The following WDR64 variants were observed in gnomAD, a reference collection of about 807,000 sequenced individuals.
The protein encoded by WDR64 is WD repeat-containing protein 64.
Under a neutral mutation model 139.3 loss-of-function variants are expected in WDR64, and 112 were observed. That is an observed-to-expected ratio of 0.80 (90% CI 0.69 to 0.94). The LOEUF (loss-of-function observed/expected upper bound fraction) is 0.94. Among genes scored for constraint, WDR64 ranks in the 40% least tolerant of loss-of-function variants. WDR64 has a pLI of 0.00. For missense variants in WDR64, 1,206 were observed against 1,293.1 expected, an observed-to-expected ratio of 0.93 and a Z score of 1.03; for synonymous variants, 444 against 437.7, an observed-to-expected ratio of 1.01 and a Z score of -0.18.
intron 8 of WDR64, among the ~76,000 whole-genome samples, chr1:241,705,435 G>C (rs879860528): frequency 2.0e-5 from 3 of 151,434 alleles, no homozygotes; most frequent in Non-Finnish European, 4.4e-5. Context: ...CCAGCTACTC[G>C]GGAGGCTGAG....
intron 25 of WDR64, among the ~76,000 whole-genome samples, chr1:241,792,303 G>T (rs1237351201): frequency 6.6e-6 from 1 of 152,142 alleles, no homozygotes; most frequent in South Asian, 2.1e-4. Flanking sequence ...GTGGGAGGCC[G>T]AGGTGGGCAG....
intron 2 of WDR64, among the ~76,000 whole-genome samples, chr1:241,666,614 T>C (rs1666034941): frequency 6.6e-6 from 1 of 152,196 alleles, no homozygotes; most frequent in African/African-American, 2.4e-5. Context: ...ACAAAAATGC[T>C]TAGTGCACAG....
chr1:241,653,964 A>T lies in WDR64; in HGVS notation c.145+1335A>T, dbSNP rs1164255606. ...CTCAACAAAACTTGCATTTTTTCCT[A>T]GTCAGTTTGTTTTACCTCTCTCTAA... On this transcript the variant is annotated intron_variant, in intron 1 of 27. Transcript: ENST00000437684. 3.3e-5 allele frequency among the ~76,000 whole-genome samples: 5 copies of T among 152,226 alleles called. No homozygotes were observed. The South Asian group carries it at 1.0e-3, about 32-fold the overall frequency.
chr1:241,713,623 T>A (rs539050928), intron 9 of WDR64, among the ~76,000 whole-genome samples: 1 of 152,306 alleles, frequency 6.6e-6, no homozygotes, highest in South Asian at 2.1e-4. Context: ...TGGTGCATAA[T>A]AGGTTCTCAA....
intron 10 of WDR64, among the ~76,000 whole-genome samples, chr1:241,728,061 C>T (rs942326999): frequency 6.7e-5 from 10 of 148,802 alleles, no homozygotes; most frequent in African/African-American, 2.2e-4. Context: ...GGCTGGGTGC[C>T]GCAGTTCATG....
chr1:241,783,314 A>G lies in WDR64; in HGVS notation c.2638A>G (p.Ile880Val), dbSNP rs1314601053. 1.2e-6 allele frequency: 2 copies of G among 1,614,008 alleles called. No homozygotes were observed. Among genetic ancestry groups the G allele is most frequent in the South Asian group, 1.1e-5 (1 of 91,022 alleles). Residue 880 changes from isoleucine to valine, a missense_variant, in exon 23 of 28, where the codon ATT (isoleucine) becomes GTT (valine). By Grantham distance (29) the Ile-to-Val change is conservative (BLOSUM62 3). Coordinates refer to ENST00000437684, the MANE Select transcript of WDR64 (RefSeq NM_001367482.1). ...TTCCTGGCGTGCTCATTCTTTGGAA[A>G]TTATTCAAGTAATCTATGTAGAAGA... ...LLSWRAHSLE[I>V]IQVIYVEEKQ...
At position 241,671,144 on chromosome 1, in the gene WDR64, T is replaced by C; in HGVS notation, c.347T>C (p.Phe116Ser). The C allele has an allele frequency of 6.4e-7, 1 of 1,551,032 alleles. No homozygotes were observed. The highest frequency in any genetic ancestry group is 8.7e-7 in the Non-Finnish European group (1 of 1,146,796). ...SQLDEENLVF[F>S]VSRKRRILIS... Reference sequence around the variant, plus strand: ...TTGGATGAAGAAAATTTGGTTTTCTTTGTGTCTAGAAAAAGGCGAATTTTA... The same window carrying C: ...TTGGATGAAGAAAATTTGGTTTTCTCTGTGTCTAGAAAAAGGCGAATTTTA... The change falls in exon 3 of 28, where the codon TTT becomes TCT. Residue 116 changes from phenylalanine to serine, a missense_variant. Coordinates refer to ENST00000437684, the MANE Select transcript of WDR64 (RefSeq NM_001367482.1).
chr1:241,737,456 G>A (rs1399984770), intron 10 of WDR64, among the ~76,000 whole-genome samples: 1 of 152,128 alleles, frequency 6.6e-6, no homozygotes. Context: ...ATGTAGTTCT[G>A]TTAATGGTCA....
chr1:241,675,854 G>A (rs966401892), intron 4 of WDR64, among the ~76,000 whole-genome samples: 4 of 152,158 alleles, frequency 2.6e-5, no homozygotes, highest in African/African-American at 7.2e-5. Flanking sequence ...AGGCTTTGCT[G>A]TTATCAATGT....
chr1:241,660,422 A>G, intron 1 of WDR64, 108 bp from the exon 2 acceptor site: 1 of 1,361,834 alleles, frequency 7.3e-7, no homozygotes, highest in Middle Eastern at 1.8e-4. Context: ...TCTGGTTTTT[A>G]TAGATTGAGA....
At chr1:241,715,362 C>G (rs1253456258) in intron 9 of WDR64, among the ~76,000 whole-genome samples, 1 of 152,182 alleles carries the variant, frequency 6.6e-6, no homozygotes, top group Non-Finnish European at 1.5e-5. Context: ...ACTGCTTGAT[C>G]CCCATTGCTC....
At chr1:241,738,699 T>C (rs1399324228) in intron 11 of WDR64, among the ~76,000 whole-genome samples, 1 of 152,238 alleles carries the variant, frequency 6.6e-6, no homozygotes, top group Non-Finnish European at 1.5e-5. Flanking sequence ...TGCACTTTTC[T>C]GAAAATACCA....
intron 10 of WDR64, among the ~76,000 whole-genome samples, chr1:241,726,652 T>C (rs1006894304): frequency 2.0e-5 from 3 of 152,140 alleles, no homozygotes; most frequent in African/African-American, 7.2e-5. Context: ...CAACATTATG[T>C]AAATGAATAG....
chr1:241,771,875 C>T lies in WDR64; in HGVS notation c.2290+178C>T, dbSNP rs140924519. 9.6e-3 allele frequency among the ~76,000 whole-genome samples: 1,390 copies of T among 144,652 alleles called. 13 individuals carry two copies. The highest frequency in any genetic ancestry group is 0.015 in the Non-Finnish European group (985 of 66,588). The allele number at this position is 144,652 out of a possible 152,430, so 94.9% of individuals were successfully genotyped here. On this transcript the variant is annotated intron_variant, in intron 19 of 27. Transcript: ENST00000437684. ...CGTATATATAATATACACACACATA[C>T]CCACACACATATACATATATACATA...
intron 8 of WDR64, among the ~76,000 whole-genome samples, chr1:241,708,838 C>A (rs1668062333): frequency 6.6e-6 from 1 of 151,850 alleles, no homozygotes; most frequent in Non-Finnish European, 1.5e-5. Context: ...CTGCACCCAG[C>A]CTAGGAATTT....
In WDR64 at chr1:241,772,949, G is replaced by A; in HGVS notation, c.2430+18G>A. ...CTCTGGAGGTAATGGAACCCAGCAA[G>A]TCTGGGAATAGGAAAGAATGGGAAA... is the stretch of plus-strand genomic sequence containing the variant. On this transcript the variant is annotated intron_variant, in intron 20 of 27. Coordinates refer to ENST00000437684, the MANE Select transcript of WDR64 (RefSeq NM_001367482.1). The A allele has an allele frequency of 6.5e-7, 1 of 1,544,896 alleles. No homozygotes were observed. Among genetic ancestry groups the A allele is most frequent in the Non-Finnish European group, 8.7e-7 (1 of 1,143,602 alleles).
At chr1:241,735,853 CTCTGTGTGTGTGTGTG>C (rs1669300178) in intron 10 of WDR64, among the ~76,000 whole-genome samples, 24 of 91,284 alleles carry the variant, frequency 2.6e-4, no homozygotes, top group Admixed American at 1.2e-3. Flanking sequence ...CTCTCTCTCT[CTCTGTGTGTGTGTGTG>C]TGTGTGTGTG....
chr1:241,686,414 T>C (rs1667006100), intron 7 of WDR64, among the ~76,000 whole-genome samples: 1 of 152,182 alleles, frequency 6.6e-6, no homozygotes, highest in Non-Finnish European at 1.5e-5. Context: ...CCCCACTCTG[T>C]TTAATGTCAT....
Position 241,656,715 on chromosome 1 carries a change from T to C in WDR64, c.146-3815T>C, listed in dbSNP as rs191243408. Among the ~76,000 whole-genome samples the C allele has an allele frequency of 2.6e-4, 40 of 152,226 alleles. No homozygotes were observed. The East Asian group carries it at 7.3e-3, about 28-fold the overall frequency. ...TGTTTTGGCTAAATAATTATTTGTATATGTGTGCGTGTGTGGAGTTGGGGG... is the reference window on the plus strand; with the variant it reads ...TGTTTTGGCTAAATAATTATTTGTACATGTGTGCGTGTGTGGAGTTGGGGG... On this transcript the variant is annotated intron_variant, in intron 1 of 27. Transcript: ENST00000437684. The surrounding 1 kb of genome is among the most constrained non-coding windows in gnomAD (Gnocchi z 4.3).
Sources: gnomAD v4.1 joint callset for allele counts (sites outside exome capture counted in the v4.1 genomes callset) on GRCh38, gnomAD v4.1.1 for gene constraint, Gnocchi (gnomAD v3.1) non-coding constraint, MANE v1.5 for transcripts, NCBI Gene and HGNC (gene_info 2026-07-23, HGNC 2026-07-21) for gene names.